Variants in CAPZB observed in about 807,000 individuals in gnomAD.
CAPZB encodes the protein capping actin protein of muscle Z-line subunit beta.
In CAPZB, 2 loss-of-function variants were observed where a neutral mutation model predicts 38.1. The observed-to-expected ratio is 0.05, with a 90% CI of 0.02 to 0.17. The LOEUF (loss-of-function observed/expected upper bound fraction) is 0.17. CAPZB is among the 10% of genes least tolerant of loss of function. The probability of loss-of-function intolerance (pLI) is 1.00; values close to 1 mark genes in which losing one functional copy is unlikely to be tolerated. For missense variants in CAPZB, 161 were observed against 334.2 expected (o/e 0.48, Z 4.04); for synonymous variants, 107 against 127.4 (o/e 0.84, Z 1.08).
intron 1 of CAPZB, among the ~76,000 whole-genome samples, chr1:19,476,154 T>C (rs2094605546): frequency 6.6e-6 from 1 of 151,158 alleles, no homozygotes; most frequent in African/African-American, 2.5e-5. Flanking sequence ...TAAGACTCTG[T>C]CTCTAAAAAA....
At chr1:19,412,257 G>A (rs185857563) in intron 2 of CAPZB, among the ~76,000 whole-genome samples, 2 of 152,230 alleles carry the variant, frequency 1.3e-5, no homozygotes, top group Admixed American at 1.3e-4. Context: ...TCCATTCCGC[G>A]GCTCCTGCTC....
intron 1 of CAPZB, among the ~76,000 whole-genome samples, chr1:19,453,842 G>C (rs1352718122): frequency 6.6e-6 from 1 of 152,202 alleles, no homozygotes; most frequent in Non-Finnish European, 1.5e-5. Flanking sequence ...GCCCTTGCTG[G>C]GGGCTAGGCA....
In CAPZB at chr1:19,485,465, T is replaced by C. The variant is rs1398070971; in HGVS notation, c.-27A>G. The C allele has an allele frequency of 2.4e-6, 3 of 1,227,054 alleles. No homozygotes were observed. Among genetic ancestry groups the C allele is most frequent in the East Asian group, 3.2e-5 (1 of 31,340 alleles). The allele number at this position is 1,227,054 out of a possible 1,614,324, so 76.0% of individuals were successfully genotyped here. A position where few individuals can be genotyped will look rare whatever the true frequency, so the allele number is the denominator to read the frequency against. ...GTGGCGGCGGCGGCGGCGGTCCCGG[T>C]CCCGGCGTCAGTGGCTCTCCCCCCC... On this transcript the variant is annotated 5_prime_UTR_variant, in exon 1 of 9. Transcript: ENST00000264202.
intron 2 of CAPZB, among the ~76,000 whole-genome samples, chr1:19,416,097 G>A (rs2094378005): frequency 6.6e-6 from 1 of 152,228 alleles, no homozygotes; most frequent in East Asian, 1.9e-4. Flanking sequence ...AGGCAGTGGA[G>A]GAAAGAGAAC....
intron 8 of CAPZB, among the ~76,000 whole-genome samples, chr1:19,340,374 T>C (rs1033885104): frequency 1.3e-5 from 2 of 152,238 alleles, no homozygotes; most frequent in Non-Finnish European, 2.9e-5. Context: ...TGTCAAATTC[T>C]GGATTTGTGG....
intron 1 of CAPZB, among the ~76,000 whole-genome samples, chr1:19,430,445 C>A (rs972598140): frequency 1.4e-4 from 21 of 152,298 alleles, no homozygotes; most frequent in African/African-American, 5.1e-4. Context: ...TTGCTGAACA[C>A]AGAACAGTTC....
At chr1:19,415,276 CT>C (rs1489592307) in intron 2 of CAPZB, among the ~76,000 whole-genome samples, 13 of 152,238 alleles carry the variant, frequency 8.5e-5, no homozygotes, top group African/African-American at 3.1e-4. Context: ...GGAATGACTG[CT>C]GTTTGCATGG....
At chr1:19,444,658 T>A (rs2094490304) in intron 1 of CAPZB, among the ~76,000 whole-genome samples, 1 of 152,232 alleles carries the variant, frequency 6.6e-6, no homozygotes, top group South Asian at 2.1e-4. Flanking sequence ...AGTAAGCAAT[T>A]ACAACGTGTA....
intron 1 of CAPZB, among the ~76,000 whole-genome samples, chr1:19,430,870 GAC>G (rs2094439625): frequency 6.6e-6 from 1 of 152,162 alleles, no homozygotes; most frequent in Non-Finnish European, 1.5e-5. Flanking sequence ...TGGGTCACAT[GAC>G]AACCAACAAA....
intron 2 of CAPZB, among the ~76,000 whole-genome samples, chr1:19,411,533 A>T (rs930927016): frequency 6.6e-6 from 1 of 152,194 alleles, no homozygotes; most frequent in African/African-American, 2.4e-5. Flanking sequence ...TTGCTCCCCA[A>T]GGAACACACA....
At chr1:19,447,693 C>T (rs1213839535) in intron 1 of CAPZB, among the ~76,000 whole-genome samples, 1 of 152,132 alleles carries the variant, frequency 6.6e-6, no homozygotes, top group Non-Finnish European at 1.5e-5. Flanking sequence ...AGATCAGGGC[C>T]AGGGTGGCAC....
intron 4 of CAPZB, among the ~76,000 whole-genome samples, chr1:19,368,567 G>A (rs559180328): frequency 7.2e-4 from 109 of 151,602 alleles, no homozygotes; most frequent in African/African-American, 2.5e-3. Flanking sequence ...CCAGGAATCC[G>A]GGACATGCCC....
At chr1:19,415,316 C>T (rs906554460) in intron 2 of CAPZB, among the ~76,000 whole-genome samples, 14 of 152,236 alleles carry the variant, frequency 9.2e-5, no homozygotes, top group African/African-American at 3.4e-4. Flanking sequence ...ACTTTCAAAA[C>T]ATCTGACTGA....
Position 19,357,377 on chromosome 1 carries a change from A to T in CAPZB, c.471+45T>A. 1.3e-6 allele frequency: 2 copies of T among 1,599,180 alleles called. No homozygotes were observed. The highest frequency in any genetic ancestry group is 1.7e-6 in the Non-Finnish European group (2 of 1,168,220). ...GCAGCGCGGCACTGGTTGGTGTGCC[A>T]TCTGTACTTAGTGGCCCGGGCCACC... On this transcript the variant is annotated intron_variant, in intron 5 of 8. Coordinates refer to ENST00000264202, the MANE Select transcript of CAPZB (RefSeq NM_004930.5). This position sits in a 1 kb window ranked among gnomAD's most constrained non-coding sequence, Gnocchi z 4.3.
At chr1:19,377,068 G>A (rs1179850691) in intron 4 of CAPZB, among the ~76,000 whole-genome samples, 2 of 152,206 alleles carry the variant, frequency 1.3e-5, no homozygotes, top group Non-Finnish European at 2.9e-5. Context: ...TTTATTACCA[G>A]TATTATCACT....
chr1:19,342,424 A>G (rs983317168), intron 8 of CAPZB, among the ~76,000 whole-genome samples: 2 of 152,202 alleles, frequency 1.3e-5, no homozygotes. Flanking sequence ...TGCCCTGGGG[A>G]CAGTCAGGCC....
At chr1:19,395,515 C>T (rs544990103) in intron 2 of CAPZB, among the ~76,000 whole-genome samples, 96 of 152,230 alleles carry the variant, frequency 6.3e-4, no homozygotes, top group African/African-American at 2.2e-3. Context: ...GGGGCCACAA[C>T]GGTTTCCTAA....
chr1:19,378,015 C>A (rs12087591), intron 4 of CAPZB, among the ~76,000 whole-genome samples: 2,699 of 152,206 alleles, frequency 0.018, 79 homozygotes, highest in African/African-American at 0.061. Context: ...CAGAAGTGAG[C>A]GTGTGGTATG....
intron 4 of CAPZB, among the ~76,000 whole-genome samples, chr1:19,372,200 T>G (rs2094122961): frequency 6.6e-6 from 1 of 152,262 alleles, no homozygotes; most frequent in African/African-American, 2.4e-5. Context: ...CCCCAGACTC[T>G]GGCCTTCATT....
Sources: gnomAD v4.1 joint callset for allele counts (sites outside exome capture counted in the v4.1 genomes callset) on GRCh38, gnomAD v4.1.1 for gene constraint, Gnocchi (gnomAD v3.1) non-coding constraint, MANE v1.5 for transcripts, NCBI Gene and HGNC (gene_info 2026-07-23, HGNC 2026-07-21) for gene names.